Variants in TFRC observed in about 807,000 individuals in gnomAD.
The protein encoded by TFRC is transferrin receptor, also known as transferrin receptor protein 1.
Under a neutral mutation model 85.8 loss-of-function variants are expected in TFRC, and 35 were observed. The ratio of observed to expected loss-of-function variants is 0.41; its 90% CI spans 0.31 to 0.54. The LOEUF is 0.54. TFRC is among the 20% of genes least tolerant of loss of function. TFRC has a pLI of 0.31. For missense variants in TFRC, 828 were observed against 921.5 expected (o/e 0.90, Z 1.31); for synonymous variants, 362 against 328.6 (o/e 1.10, Z -1.10).
intron 13 of TFRC, 80 bp from the exon 14 acceptor site, chr3:196,060,327 T>C: frequency 8.3e-7 from 1 of 1,204,248 alleles, no homozygotes; most frequent in Non-Finnish European, 1.2e-6. Flanking sequence ...TATAAGTACT[T>C]GACAAATAAG....
In TFRC at chr3:196,052,145, CTT is replaced by C. The variant is rs1359928582; in HGVS notation, c.2078_2079del (p.Lys693ArgfsTer27). 6.2e-7 allele frequency: 1 copy of C among 1,613,968 alleles called. No individual in the cohort carries two copies. The highest frequency in any genetic ancestry group is 2.2e-5 in the East Asian group (1 of 44,898). On this transcript the variant is annotated frameshift_variant, in exon 19 of 19. Transcript: ENST00000360110. LOFTEE classifies it high-confidence loss of function. Reference protein sequence around the residue: ...YHFLSPYVSPKESPFRHVFWG... With the variant: ...YHFLSPYVSPXESPFRHVFWG... Reference sequence around the variant, plus strand: ...CAGAAGACATGTCGGAAAGGAGACTCTTTTGGAGATACGTAGGGAGAGAGGAA... The same window carrying C: ...CAGAAGACATGTCGGAAAGGAGACTCTTGGAGATACGTAGGGAGAGAGGAA...
intron 16 of TFRC, 36 bp downstream of exon 16, chr3:196,058,248 C>G: frequency 2.6e-6 from 4 of 1,553,558 alleles, no homozygotes; most frequent in Non-Finnish European, 3.5e-6. Flanking sequence ...TTTTAGAGAG[C>G]CTCTCTCCAT....
chr3:196,052,316 GAC>G (rs1244638088), intron 18 of TFRC, 132 bp from the exon 19 acceptor site: 136 of 610,202 alleles, frequency 2.2e-4, no homozygotes, highest in South Asian at 4.5e-4. Flanking sequence ...TTTTTTTTTT[GAC>G]ACAGAGTTTC....
rs775628655 is a variant in TFRC at position 196,075,180 on chromosome 3, C to T, written c.217G>A (p.Val73Met). Residue 73 changes from valine (V) to methionine (M), a missense_variant, in exon 3 of 19, where the codon GTG becomes ATG. Val to Met is a conservative substitution (Grantham distance 21). Transcript: ENST00000360110. ...TCACCAATCAAGAAAAAGACGATCA[C>T]AGCAATAGTCCCATAGCAGATACTT... ...SGSICYGTIA[V>M]IVFFLIGFMI... 15 of 1,613,774 alleles carry T rather than the reference C, an allele frequency of 9.3e-6. No homozygotes were observed. Among genetic ancestry groups the T allele is most frequent in the African/African-American group, 1.3e-5 (1 of 74,964 alleles).
rs1577208912 is a variant in TFRC at position 196,050,059 on chromosome 3, G to A, written c.*1883C>T. 2 of 231,442 alleles carry A rather than the reference G, an allele frequency of 8.6e-6. No individual in the cohort carries two copies. Among genetic ancestry groups the A allele is most frequent in the Non-Finnish European group, 1.7e-5 (2 of 116,984 alleles). The allele number at this position is 231,442 out of a possible 1,614,324, so 14.3% of individuals were successfully genotyped here. A position where few individuals can be genotyped will look rare whatever the true frequency, so the allele number is the denominator to read the frequency against. On this transcript the variant is annotated 3_prime_UTR_variant, in exon 19 of 19. Transcript: ENST00000360110. ...GTAGGCAGACGTGTCAGACCTTCAG[G>A]GGACTCTCCTTCCCCACAGCCCCCA...
chr3:196,062,452 G>C lies in TFRC; in HGVS notation c.1468+130C>G, dbSNP rs41297463. 330 of 794,846 alleles carry C rather than the reference G, an allele frequency of 4.2e-4. 2 individuals are homozygous for C. In the East Asian group the frequency reaches 8.2e-3, roughly 20 times the overall value. 49.2% of individuals were successfully genotyped at this position (794,846 alleles called of 1,614,324 possible). On this transcript the variant is annotated intron_variant, in intron 13 of 18. Transcript: ENST00000360110. ...GGAGGCTAAGGCAGGAGAATCGCTT[G>C]AATCTGGGAGACAGAGGTTGCAGTG... is the stretch of plus-strand genomic sequence containing the variant.
At position 196,058,648 on chromosome 3, in the gene TFRC, T is replaced by A; in HGVS notation, c.1537-16A>T. 1.9e-6 allele frequency: 3 copies of A among 1,600,180 alleles called. No individual in the cohort carries two copies. The highest frequency in any genetic ancestry group is 2.6e-6 in the Non-Finnish European group (3 of 1,172,080). On this transcript the variant is annotated splice_polypyrimidine_tract_variant and intron_variant, in intron 14 of 18. Transcript: ENST00000360110. ...GATGCTTCACCTGTAAGATAAGAAA[T>A]TATCATTAAAACTAACCTTTTGGAA...
chr3:196,057,025 T>C lies in TFRC; in HGVS notation c.1677+1259A>G, dbSNP rs188791590. 3.7e-3 allele frequency among the ~76,000 whole-genome samples: 564 copies of C among 152,296 alleles called. 3 individuals carry two copies. The highest frequency in any genetic ancestry group is 0.01 in the Middle Eastern group (3 of 294). ...TTAGCAGAGACGGGGTTTCACCATT[T>C]TGGTCAGGCTAGTCTCAAACTCCTG... On this transcript the variant is annotated intron_variant, in intron 16 of 18. Transcript: ENST00000360110.
intron 16 of TFRC, among the ~76,000 whole-genome samples, chr3:196,057,781 C>CAAAAAAA (rs370832734): frequency 1.3e-5 from 1 of 77,558 alleles, no homozygotes; most frequent in African/African-American, 4.1e-5. Flanking sequence ...TCACCATTGT[C>CAAAAAAA]AAAAAAAAAA....
intron 2 of TFRC, among the ~76,000 whole-genome samples, chr3:196,075,972 C>CAAA (rs11373736): frequency 7.4e-6 from 1 of 135,302 alleles, no homozygotes; most frequent in Non-Finnish European, 1.6e-5. Flanking sequence ...ACTAAAAATT[C>CAAA]AAAAAAAAAA....
intron 1 of TFRC, among the ~76,000 whole-genome samples, chr3:196,081,117 A>G (rs971192364): frequency 5.9e-5 from 9 of 152,236 alleles, no homozygotes; most frequent in African/African-American, 2.2e-4. Context: ...ACTGTCCAGC[A>G]GAATGTGACA....
Position 196,073,558 on chromosome 3 carries a change from T to C in TFRC, c.434+372A>G, listed in dbSNP as rs759814600. On this transcript the variant is annotated intron_variant, in intron 4 of 18. Transcript: ENST00000360110. The stretch of plus-strand genomic sequence containing the variant: ...TGAAAAAGGCTACTTCTGGCATGTG[T>C]TGCTTCCTAAAACAGAGAAAAGCTA... Among the ~76,000 whole-genome samples the C allele has an allele frequency of 3.3e-5, 5 of 152,138 alleles. 1 individual carries two copies. Among genetic ancestry groups the C allele is most frequent in the Non-Finnish European group, 7.4e-5 (5 of 68,026 alleles).
chr3:196,059,378 G>A (rs1347072762), intron 14 of TFRC, among the ~76,000 whole-genome samples: 1 of 152,072 alleles, frequency 6.6e-6, no homozygotes, highest in African/African-American at 2.4e-5. Context: ...AATTGTAAAA[G>A]CCCTCTCTGG....
intron 1 of TFRC, among the ~76,000 whole-genome samples, chr3:196,080,742 G>C (rs1396239566): frequency 6.7e-6 from 1 of 150,060 alleles, no homozygotes; most frequent in African/African-American, 2.5e-5. Flanking sequence ...GAAATTGAAG[G>C]ATGCTATGCT....
intron 10 of TFRC, 109 bp from the exon 11 acceptor site, chr3:196,064,537 TA>T: frequency 1.0e-6 from 1 of 962,330 alleles, no homozygotes; most frequent in South Asian, 3.2e-5. Flanking sequence ...GTATTAAGGA[TA>T]AAAGAGCCTT....
At chr3:196,053,903 C>G (rs1716551800) in intron 17 of TFRC, among the ~76,000 whole-genome samples, 2 of 152,170 alleles carry the variant, frequency 1.3e-5, no homozygotes, top group Non-Finnish European at 2.9e-5. Context: ...TTATTTCCAC[C>G]TGGTAAGTTC....
At chr3:196,058,210 G>A (rs1716974560) in intron 16 of TFRC, 74 bp downstream of exon 16, 1 of 1,235,498 alleles carries the variant, frequency 8.1e-7, no homozygotes, top group Admixed American at 1.8e-5. Flanking sequence ...CCATTGCAAT[G>A]CCCTATTCCC....
chr3:196,074,295 A>G, intron 3 of TFRC, 170 bp from the exon 4 acceptor site: 1 of 523,006 alleles, frequency 1.9e-6, no homozygotes, highest in Non-Finnish European at 3.3e-6. Flanking sequence ...CCACTTAATA[A>G]ATTATATACT....
chr3:196,054,407 C>CAAAAAAAAAAAAAAAAAAAAAAAAAA (rs1160849553), intron 17 of TFRC, among the ~76,000 whole-genome samples: 1 of 149,392 alleles, frequency 6.7e-6, no homozygotes, highest in Non-Finnish European at 1.5e-5. Flanking sequence ...CTTCATCTCT[C>CAAAAAAAAAAAAAAAAAAAAAAAAAA]AAAAAAAATA....
Sources: gnomAD v4.1 joint callset for allele counts (sites outside exome capture counted in the v4.1 genomes callset) on GRCh38, gnomAD v4.1.1 for gene constraint, MANE v1.5 for transcripts, NCBI Gene and HGNC (gene_info 2026-07-23, HGNC 2026-07-21) for gene names.